PRKAR1B: variants seen among roughly 807,000 people sequenced by gnomAD.
PRKAR1B encodes the protein cAMP-dependent protein kinase type I-beta regulatory subunit.
A neutral mutation model predicts 46.5 loss-of-function variants in PRKAR1B; 22 were observed. The ratio of observed to expected loss-of-function variants is 0.47; its 90% CI spans 0.34 to 0.68. PRKAR1B has a LOEUF of 0.68. Ranked by LOEUF, PRKAR1B falls within the 30% of genes least tolerant of loss-of-function variation. The pLI, the probability that PRKAR1B is intolerant of heterozygous loss-of-function variation, is 0.01. For synonymous variants in PRKAR1B, 259 were observed against 217.7 expected, an observed-to-expected ratio of 1.19 and a Z score of -1.67; for missense variants, 445 against 535.6, an observed-to-expected ratio of 0.83 and a Z score of 1.67.
At chr7:665,833 T>C (rs533701946) in intron 4 of PRKAR1B, among the ~76,000 whole-genome samples, 57 of 152,200 alleles carry the variant, frequency 3.7e-4, no homozygotes, top group African/African-American at 1.3e-3. Context: ...CACCTGAGGA[T>C]CCGAGCCAGT....
At chr7:702,739 T>C (rs1260473541) in intron 2 of PRKAR1B, among the ~76,000 whole-genome samples, 1 of 152,076 alleles carries the variant, frequency 6.6e-6, no homozygotes, top group Non-Finnish European at 1.5e-5. Context: ...AGGAGAATGG[T>C]GTGAACCCAG....
Position 595,874 on chromosome 7 carries a change from A to C in PRKAR1B, c.708+272T>G, listed in dbSNP as rs112721789. Among the ~76,000 whole-genome samples, 464 of 152,238 alleles carry C rather than the reference A, an allele frequency of 3.0e-3. 5 individuals carry two copies. The highest frequency in any genetic ancestry group is 0.011 in the African/African-American group (442 of 41,552). On this transcript the variant is annotated intron_variant, in intron 7 of 10. Coordinates refer to ENST00000537384, the MANE Select transcript of PRKAR1B (RefSeq NM_001164760.2). The stretch of plus-strand genomic sequence containing the variant: ...GCTCATAGTCACCTCCTGGCCCAAC[A>C]TGGCAGCTGGAGCACCAGCCATCAC...
chr7:716,876 T>C (rs945463831), intron 1 of PRKAR1B: 3 of 152,160 alleles, frequency 2.0e-5, no homozygotes, highest in Non-Finnish European at 4.4e-5. Flanking sequence ...TGCATGTGAT[T>C]GTGGCTGATG....
intron 6 of PRKAR1B, among the ~76,000 whole-genome samples, chr7:599,679 C>T (rs1781481478): frequency 6.6e-6 from 1 of 152,290 alleles, no homozygotes; most frequent in Admixed American, 6.5e-5. Context: ...GCCGAGCTCA[C>T]ACCTGGCTCT....
rs199568828 is a variant in PRKAR1B at position 680,646 on chromosome 7, G to T, written c.258C>A (p.Pro86=). Reference sequence around the variant, plus strand: ...GGCGGGCCTTCACCACAGGGTTCGGGGGGGTGGGCGACACCTCCTCATCAT... The same window carrying T: ...GGCGGGCCTTCACCACAGGGTTCGGTGGGGTGGGCGACACCTCCTCATCAT... ...DSHDEEVSPT[P]PNPVVKARRR... is the part of the protein sequence containing the mutation. The change falls in exon 3 of 11, where the codon CCC becomes CCA. Residue 86 remains proline (P), a synonymous_variant. Coordinates refer to ENST00000537384, the MANE Select transcript of PRKAR1B (RefSeq NM_001164760.2). 4.1e-5 allele frequency: 66 copies of T among 1,613,584 alleles called. No individual in the cohort carries two copies. The East Asian group carries it at 1.3e-3, about 33-fold the overall frequency.
intron 4 of PRKAR1B, among the ~76,000 whole-genome samples, chr7:646,457 C>T (rs1326187036): frequency 6.6e-6 from 1 of 152,244 alleles, no homozygotes; most frequent in East Asian, 1.9e-4. Context: ...ATTCCAAGTG[C>T]CAAGCAGCTC....
intron 2 of PRKAR1B, among the ~76,000 whole-genome samples, chr7:693,102 T>C (rs1779528235): frequency 2.0e-5 from 3 of 151,698 alleles, no homozygotes; most frequent in Admixed American, 6.6e-5. Flanking sequence ...ACCCAGCTAA[T>C]TTTTGTATTT....
intron 4 of PRKAR1B, 127 bp from the exon 5 acceptor site, chr7:607,579 A>G: frequency 1.2e-6 from 1 of 833,132 alleles, no homozygotes; most frequent in Non-Finnish European, 2.0e-6. Context: ...AAAATCCATG[A>G]GAGTTCAAAG....
intron 2 of PRKAR1B, among the ~76,000 whole-genome samples, chr7:690,810 A>T (rs1779372084): frequency 6.6e-6 from 1 of 152,070 alleles, no homozygotes; most frequent in South Asian, 2.1e-4. Context: ...AAAAAACACA[A>T]CACCCAGCAG....
chr7:667,086 A>G lies in PRKAR1B; in HGVS notation c.440+10143T>C, dbSNP rs1785971804. On this transcript the variant is annotated intron_variant, in intron 4 of 10. Coordinates refer to ENST00000537384, the MANE Select transcript of PRKAR1B (RefSeq NM_001164760.2). The surrounding 1 kb of genome is among the most constrained non-coding windows in gnomAD (Gnocchi z 4.3). ...GATGATGGTGATGGTGGGGATGGTG[A>G]TGATGATGGTGGTGATAACGATGAT... Among the ~76,000 whole-genome samples the G allele has an allele frequency of 6.6e-6, 1 of 151,852 alleles. No individual in the cohort carries two copies. Among genetic ancestry groups the G allele is most frequent in the African/African-American group, 2.4e-5 (1 of 41,268 alleles).
At chr7:707,666 A>G (rs1328252832) in intron 2 of PRKAR1B, among the ~76,000 whole-genome samples, 1 of 152,188 alleles carries the variant, frequency 6.6e-6, no homozygotes, top group African/African-American at 2.4e-5. Flanking sequence ...GTCCAGGATG[A>G]CTAGTGTCCC....
At chr7:622,256 C>T (rs1317872426) in intron 4 of PRKAR1B, among the ~76,000 whole-genome samples, 1 of 152,200 alleles carries the variant, frequency 6.6e-6, no homozygotes, top group African/African-American at 2.4e-5. Context: ...GACCCGAGCA[C>T]CAGGTGCCTG....
intron 4 of PRKAR1B, among the ~76,000 whole-genome samples, chr7:617,299 CTTTTT>C (rs71016890): frequency 2.2e-4 from 29 of 132,404 alleles, no homozygotes; most frequent in African/African-American, 7.6e-4. Context: ...GACCAAGTGC[CTTTTT>C]TTTTTTTTTT....
At chr7:576,936 C>T (rs1032157968) in intron 9 of PRKAR1B, among the ~76,000 whole-genome samples, 2 of 151,698 alleles carry the variant, frequency 1.3e-5, no homozygotes, top group Admixed American at 1.3e-4. Context: ...GGCCTGTGTT[C>T]CAGCGGTGGT....
At chr7:590,799 C>T (rs371582113) in intron 7 of PRKAR1B, among the ~76,000 whole-genome samples, 4 of 152,136 alleles carry the variant, frequency 2.6e-5, no homozygotes, top group East Asian at 3.9e-4. Context: ...ACGGTGCAGA[C>T]GGCACTTCTC....
chr7:589,005 C>T (rs867701391), intron 7 of PRKAR1B, among the ~76,000 whole-genome samples: 68 of 146,566 alleles, frequency 4.6e-4, no homozygotes, highest in African/African-American at 1.6e-3. Flanking sequence ...ATGATGGTGA[C>T]GATAGTGGTA....
chr7:693,016 G>A (rs1193489060), intron 2 of PRKAR1B, among the ~76,000 whole-genome samples: 1 of 151,832 alleles, frequency 6.6e-6, no homozygotes, highest in African/African-American at 2.4e-5. Flanking sequence ...CTCACTGCAA[G>A]CTCCGCCTCC....
chr7:680,476 C>A, intron 3 of PRKAR1B, 80 bp downstream of exon 3: 1 of 1,388,818 alleles, frequency 7.2e-7, no homozygotes. Context: ...GAGGGTGCCC[C>A]GTGGGCTTCC....
rs1779919659 is a variant in PRKAR1B, at chr7:698,996, T to G, written c.177+12333A>C. On this transcript the variant is annotated intron_variant, in intron 2 of 10. Transcript: ENST00000537384. ...CTGCCACACACAGGGGCACCAGCCT[T>G]GCAGGGCAAAGGCGGAGAAGCCTGA... Among the ~76,000 whole-genome samples, 3 of 152,198 alleles carry G rather than the reference T, an allele frequency of 2.0e-5. No individual in the cohort carries two copies. In the South Asian group the frequency reaches 6.2e-4, roughly 32 times the overall value.
Sources: gnomAD v4.1 joint callset for allele counts (sites outside exome capture counted in the v4.1 genomes callset) on GRCh38, gnomAD v4.1.1 for gene constraint, Gnocchi (gnomAD v3.1) non-coding constraint, MANE v1.5 for transcripts, NCBI Gene and HGNC (gene_info 2026-07-23, HGNC 2026-07-21) for gene names.